The following ARHGDIB variants were observed in gnomAD, a reference collection of about 807,000 sequenced individuals.
ARHGDIB encodes Rho GDP dissociation inhibitor beta.
ARHGDIB carries 20 observed loss-of-function variants against 22.6 expected under a neutral mutation model. The observed-to-expected ratio is 0.88, with a 90% CI of 0.62 to 1.28. The LOEUF is 1.28. ARHGDIB is among the 50% of genes most tolerant of loss of function. The pLI is 0.00. For missense variants in ARHGDIB, 254 were observed against 245.4 expected (o/e 1.04, Z -0.23); for synonymous variants, 114 against 96.1 (o/e 1.19, Z -1.09).
intron 2 of ARHGDIB, 110 bp from the exon 3 acceptor site, chr12:14,949,995 T>C: frequency 1.0e-6 from 1 of 998,342 alleles, no homozygotes; most frequent in South Asian, 1.6e-5. Flanking sequence ...TCTTTCTATC[T>C]GGAGTAGAAA....
Position 14,942,353 on chromosome 12 carries a change from C to T in ARHGDIB, c.*169G>A, listed in dbSNP as rs1386430516. On this transcript the variant is annotated 3_prime_UTR_variant, in exon 6 of 6. Coordinates refer to ENST00000228945, the MANE Select transcript of ARHGDIB (RefSeq NM_001175.7). The stretch of plus-strand genomic sequence containing the variant: ...TGGGTGAAAGCCCGGTTTTAAGCCT[C>T]TTGTTCTAGGGACCACGTTGAGTGA... 6.7e-6 allele frequency: 5 copies of T among 741,030 alleles called. No individual in the cohort carries two copies. The highest frequency in any genetic ancestry group is 5.5e-5 in the East Asian group (2 of 36,690). 45.9% of individuals were successfully genotyped at this position (741,030 alleles called of 1,614,324 possible).
chr12:14,946,860 T>A (rs1427608011), intron 4 of ARHGDIB, among the ~76,000 whole-genome samples: 4 of 152,224 alleles, frequency 2.6e-5, no homozygotes, highest in Admixed American at 2.6e-4. Flanking sequence ...TTTGATATAA[T>A]GCCTTACCAA....
At chr12:14,951,536 C>T (rs968132076) in intron 1 of ARHGDIB, among the ~76,000 whole-genome samples, 1 of 151,906 alleles carries the variant, frequency 6.6e-6, no homozygotes, top group Non-Finnish European at 1.5e-5. Flanking sequence ...TACAAATTTG[C>T]CCTTAGCATT....
At chr12:14,948,023 G>A (rs906325905) in intron 3 of ARHGDIB, 74 bp from the exon 4 acceptor site, 22 of 1,303,810 alleles carry the variant, frequency 1.7e-5, no homozygotes, top group South Asian at 1.2e-4. Flanking sequence ...TTTAAGTCCC[G>A]GAAAAATTTG....
chr12:14,946,962 A>G (rs1864030773), intron 4 of ARHGDIB, among the ~76,000 whole-genome samples: 1 of 152,220 alleles, frequency 6.6e-6, no homozygotes, highest in Non-Finnish European at 1.5e-5. Flanking sequence ...ATCAACAAAT[A>G]TTTCCAGGAT....
At chr12:14,949,696 ATCTC>A (rs1296242318) in intron 3 of ARHGDIB, 102 bp downstream of exon 3, 25 of 968,966 alleles carry the variant, frequency 2.6e-5, no homozygotes, top group Non-Finnish European at 2.6e-5. Flanking sequence ...TAGCATATAT[ATCTC>A]TCTGATTCAC....
intron 4 of ARHGDIB, 117 bp downstream of exon 4, chr12:14,947,755 TG>T (rs1864054213): frequency 5.8e-6 from 5 of 859,130 alleles, no homozygotes; most frequent in Non-Finnish European, 5.6e-6. Context: ...AGACCCAGCT[TG>T]GGGGTACTAG....
chr12:14,951,492 G>A (rs1428675534), intron 1 of ARHGDIB, among the ~76,000 whole-genome samples: 2 of 152,076 alleles, frequency 1.3e-5, no homozygotes, highest in Non-Finnish European at 2.9e-5. Context: ...AAATAGCAAA[G>A]GACAGTTTAA....
At chr12:14,949,759 A>G in intron 3 of ARHGDIB, 43 bp downstream of exon 3, 1 of 1,589,142 alleles carries the variant, frequency 6.3e-7, no homozygotes, top group East Asian at 2.2e-5. Flanking sequence ...TTTCTTTGTG[A>G]TATCTTAGGC....
At position 14,950,764 on chromosome 12, in the gene ARHGDIB, G is replaced by T. The variant is rs557462000; in HGVS notation, c.-12-40C>A. ...GACAGCCCGTTAGTCAACAAGTCAT[G>T]AATATAAAAGATGTTAGTGGGGCTG... On this transcript the variant is annotated intron_variant, in intron 1 of 5. Coordinates refer to ENST00000228945, the MANE Select transcript of ARHGDIB (RefSeq NM_001175.7). 3.6e-5 allele frequency: 55 copies of T among 1,516,494 alleles called. No individual in the cohort carries two copies. The East Asian group carries it at 1.1e-3, about 31-fold the overall frequency. 93.9% of individuals were successfully genotyped at this position (1,516,494 alleles called of 1,614,324 possible). A position where few individuals can be genotyped will look rare whatever the true frequency, so the allele number is the denominator to read the frequency against.
chr12:14,947,792 A>G, intron 4 of ARHGDIB, 81 bp downstream of exon 4: 1 of 1,242,714 alleles, frequency 8.0e-7, no homozygotes, highest in Non-Finnish European at 1.2e-6. Context: ...AAAGTACCTC[A>G]ACATGATCAT....
At chr12:14,951,982 C>T (rs1021423929) in intron 1 of ARHGDIB, among the ~76,000 whole-genome samples, 5 of 151,988 alleles carry the variant, frequency 3.3e-5, no homozygotes, top group African/African-American at 4.8e-5. Flanking sequence ...AGATGGCTGC[C>T]GGGGAGATAT....
intron 3 of ARHGDIB, 44 bp from the exon 4 acceptor site, chr12:14,947,993 A>G (rs1864063622): frequency 6.6e-7 from 1 of 1,517,900 alleles, no homozygotes; most frequent in Non-Finnish European, 9.1e-7. Context: ...AAAAGCAGAT[A>G]CACAAGTTAA....
intron 2 of ARHGDIB, among the ~76,000 whole-genome samples, chr12:14,950,162 T>C (rs914860966): frequency 6.6e-6 from 1 of 152,164 alleles, no homozygotes; most frequent in African/African-American, 2.4e-5. Flanking sequence ...AATTGGGCAC[T>C]GTCCATTTAT....
At chr12:14,956,090 AC>A (rs1864295243) in intron 1 of ARHGDIB, 1 of 152,190 alleles carries the variant, frequency 6.6e-6, no homozygotes, top group Non-Finnish European at 1.5e-5. Context: ...AGGTTGTCTG[AC>A]TTTTAGGCAC....
At chr12:14,952,249 A>T (rs1864193112) in intron 1 of ARHGDIB, among the ~76,000 whole-genome samples, 1 of 149,174 alleles carries the variant, frequency 6.7e-6, no homozygotes, top group Middle Eastern at 3.2e-3. Context: ...TTGGAAGTAA[A>T]GCCAAATGAG....
chr12:14,951,829 G>A (rs908346139), intron 1 of ARHGDIB, among the ~76,000 whole-genome samples: 1 of 151,838 alleles, frequency 6.6e-6, no homozygotes, highest in South Asian at 2.1e-4. Context: ...AACCACTGGG[G>A]TTCATGTAAT....
chr12:14,955,215 A>G (rs905671974), intron 1 of ARHGDIB, among the ~76,000 whole-genome samples: 7 of 152,188 alleles, frequency 4.6e-5, no homozygotes, highest in Admixed American at 4.6e-4. Context: ...CAGTCATCGC[A>G]ATGTTGTGAG....
chr12:14,950,083 G>A lies in ARHGDIB; in HGVS notation c.182-198C>T, dbSNP rs143185300. 1.1e-3 allele frequency among the ~76,000 whole-genome samples: 165 copies of A among 152,198 alleles called. 3 individuals are homozygous for A. In the East Asian group the frequency reaches 0.031, roughly 29 times the overall value. ...TACAGCAAAGTTATTTCTGCTTTAG[G>A]CACTTGTAGGTCCATCTAATTATTG... On this transcript the variant is annotated intron_variant, in intron 2 of 5. Coordinates refer to ENST00000228945, the MANE Select transcript of ARHGDIB (RefSeq NM_001175.7).
Sources: gnomAD v4.1 joint callset for allele counts (sites outside exome capture counted in the v4.1 genomes callset) on GRCh38, gnomAD v4.1.1 for gene constraint, MANE v1.5 for transcripts, NCBI Gene and HGNC (gene_info 2026-07-23, HGNC 2026-07-21) for gene names.